The following REEP1 variants were observed in gnomAD, a reference collection of about 807,000 sequenced individuals.
REEP1 encodes receptor accessory protein 1.
Under a neutral mutation model 40.3 loss-of-function variants are expected in REEP1, and 22 were observed. That is an observed-to-expected ratio of 0.55 (90% CI 0.39 to 0.78). REEP1 has a LOEUF of 0.78. Ranked by LOEUF, REEP1 falls within the 30% of genes least tolerant of loss-of-function variation. REEP1 has a pLI of 0.00. For synonymous variants in REEP1, 116 were observed against 139.2 expected (o/e 0.83, Z 1.17); for missense variants, 280 against 361.1 (o/e 0.78, Z 1.82).
At chr2:86,236,829 G>A (rs565195116) in intron 5 of REEP1, among the ~76,000 whole-genome samples, 2 of 151,296 alleles carry the variant, frequency 1.3e-5, no homozygotes, top group Non-Finnish European at 2.9e-5. Context: ...TCCGCCTCCC[G>A]CGTTCACGCA....
chr2:86,284,235 AC>A (rs1232899231), intron 1 of REEP1, among the ~76,000 whole-genome samples: 7 of 151,020 alleles, frequency 4.6e-5, no homozygotes, highest in South Asian at 2.1e-4. Context: ...TGACCTGGTC[AC>A]CCCCCCTGAC....
intron 5 of REEP1, among the ~76,000 whole-genome samples, chr2:86,245,683 T>C (rs1675900951): frequency 1.3e-5 from 2 of 152,116 alleles, no homozygotes; most frequent in Admixed American, 1.3e-4. Flanking sequence ...ACTCTTAACC[T>C]GTCTCTTCTC....
chr2:86,336,654 A>C (rs1434074270), intron 1 of REEP1: 1 of 152,612 alleles, frequency 6.6e-6, no homozygotes, highest in Non-Finnish European at 1.5e-5. Context: ...AAACGCCTAC[A>C]GGTCCTGGGG....
chr2:86,315,230 G>C (rs1679938265), intron 1 of REEP1, among the ~76,000 whole-genome samples: 1 of 152,208 alleles, frequency 6.6e-6, no homozygotes, highest in Non-Finnish European at 1.5e-5. Context: ...ACCCTGGGAA[G>C]CACAGTCCCG....
At chr2:86,256,653 G>T (rs1023175007) in intron 3 of REEP1, among the ~76,000 whole-genome samples, 7 of 152,108 alleles carry the variant, frequency 4.6e-5, no homozygotes, top group African/African-American at 1.7e-4. Flanking sequence ...TCTCCTGACG[G>T]ACCCTGAGTG....
upstream of REEP1, chr2:86,338,073 G>C: frequency 2.6e-6 from 4 of 1,537,188 alleles, no homozygotes; most frequent in Non-Finnish European, 2.6e-6. Context: ...AGCACTTTCT[G>C]CATAAGAAAC....
At chr2:86,319,524 G>A (rs993706458) in intron 1 of REEP1, among the ~76,000 whole-genome samples, 3 of 152,080 alleles carry the variant, frequency 2.0e-5, no homozygotes, top group Admixed American at 6.5e-5. Context: ...GCAAAACCCC[G>A]TCTCTACTAA....
At chr2:86,309,075 T>C (rs547182706) in intron 1 of REEP1, among the ~76,000 whole-genome samples, 3 of 152,344 alleles carry the variant, frequency 2.0e-5, no homozygotes, top group Admixed American at 1.3e-4. Context: ...ACATGAGTTA[T>C]CTGAAACACA....
At chr2:86,286,765 C>T (rs1455120487) in intron 1 of REEP1, among the ~76,000 whole-genome samples, 3 of 152,162 alleles carry the variant, frequency 2.0e-5, no homozygotes, top group East Asian at 1.9e-4. Context: ...ACTGCTGTTG[C>T]TGACCGTAGC....
At chr2:86,323,635 C>A (rs1680371471) in intron 1 of REEP1, among the ~76,000 whole-genome samples, 1 of 152,182 alleles carries the variant, frequency 6.6e-6, no homozygotes, top group South Asian at 2.1e-4. Flanking sequence ...TGCCCCCCAA[C>A]CCCCATCCAT....
intron 1 of REEP1, among the ~76,000 whole-genome samples, chr2:86,316,375 C>T (rs1426072033): frequency 6.6e-6 from 1 of 150,976 alleles, no homozygotes; most frequent in Non-Finnish European, 1.5e-5. Flanking sequence ...CTCATCTCTA[C>T]TAAAAATACA....
intron 1 of REEP1, among the ~76,000 whole-genome samples, chr2:86,328,473 G>A (rs779141566): frequency 2.0e-5 from 3 of 152,208 alleles, no homozygotes; most frequent in Non-Finnish European, 4.4e-5. Context: ...GAGGTCAGGA[G>A]ATCGAGACCA....
intron 1 of REEP1, among the ~76,000 whole-genome samples, chr2:86,335,582 A>G (rs879921606): frequency 6.6e-6 from 1 of 152,122 alleles, no homozygotes. Context: ...CGGGCGTGGT[A>G]GCTCACGCCT....
chr2:86,300,053 C>T (rs1679185250), intron 1 of REEP1, among the ~76,000 whole-genome samples: 1 of 152,130 alleles, frequency 6.6e-6, no homozygotes, highest in South Asian at 2.1e-4. Flanking sequence ...CTTGTCCACC[C>T]CAGCAGATGC....
intron 1 of REEP1, among the ~76,000 whole-genome samples, chr2:86,326,828 G>T (rs1680533101): frequency 6.6e-6 from 1 of 152,212 alleles, no homozygotes; most frequent in Non-Finnish European, 1.5e-5. Flanking sequence ...GCCAACTACT[G>T]GAAACCTTTT....
At chr2:86,318,996 T>C (rs1191920644) in intron 1 of REEP1, among the ~76,000 whole-genome samples, 1 of 152,194 alleles carries the variant, frequency 6.6e-6, no homozygotes, top group Non-Finnish European at 1.5e-5. Flanking sequence ...TGTAAAATGC[T>C]TTAGAGGCCA....
At chr2:86,323,453 CA>C (rs1680359350) in intron 1 of REEP1, among the ~76,000 whole-genome samples, 1 of 152,128 alleles carries the variant, frequency 6.6e-6, no homozygotes, top group African/African-American at 2.4e-5. Flanking sequence ...AGGTGAGCAG[CA>C]GCATTACCAC....
chr2:86,288,434 G>T (rs923371152), intron 1 of REEP1, among the ~76,000 whole-genome samples: 1 of 152,202 alleles, frequency 6.6e-6, no homozygotes, highest in South Asian at 2.1e-4. Flanking sequence ...GGGATTACAG[G>T]TATGTGCCAC....
chr2:86,241,843 G>A (rs1342772286), intron 5 of REEP1, among the ~76,000 whole-genome samples: 1 of 152,222 alleles, frequency 6.6e-6, no homozygotes, highest in African/African-American at 2.4e-5. Context: ...CAGGGTGGAA[G>A]AGGAAGAAGA....
Sources: gnomAD v4.1 joint callset for allele counts (sites outside exome capture counted in the v4.1 genomes callset) on GRCh38, gnomAD v4.1.1 for gene constraint, MANE v1.5 for transcripts, NCBI Gene and HGNC (gene_info 2026-07-23, HGNC 2026-07-21) for gene names.